CCDC141: variants seen among roughly 807,000 people sequenced by gnomAD.
CCDC141 encodes the protein coiled-coil domain-containing protein 141.
A neutral mutation model predicts 181.0 loss-of-function variants in CCDC141; 168 were observed. That is an observed-to-expected ratio of 0.93 (90% CI 0.82 to 1.05). The LOEUF (loss-of-function observed/expected upper bound fraction) is 1.05. Ranked by LOEUF, CCDC141 falls within the 50% of genes least tolerant of loss-of-function variation. CCDC141 has a pLI of 0.00. For missense variants in CCDC141, 1,902 were observed against 1,788.5 expected (o/e 1.06, Z -1.14); for synonymous variants, 666 against 642.3 (o/e 1.04, Z -0.56).
intron 2 of CCDC141, among the ~76,000 whole-genome samples, chr2:179,007,763 A>T (rs2042155992): frequency 1.3e-5 from 2 of 152,224 alleles, no homozygotes; most frequent in African/African-American, 2.4e-5. Flanking sequence ...ATGTTTTAAA[A>T]CATTTCTTTC....
downstream of CCDC141, among the ~76,000 whole-genome samples, chr2:178,825,760 T>G (rs75502604): frequency 0.02 from 3,060 of 152,106 alleles, 69 homozygotes; most frequent in East Asian, 0.11. Context: ...TTTGCCATGG[T>G]CTCTGGAGAT....
chr2:178,871,998 TTTATA>T, intron 13 of CCDC141, 130 bp downstream of exon 13: 1 of 875,282 alleles, frequency 1.1e-6, no homozygotes, highest in South Asian at 1.9e-5. Flanking sequence ...AGGGACCTCA[TTTATA>T]AGTGGAATCA....
At chr2:178,895,153 A>C (rs1687346259) in intron 8 of CCDC141, among the ~76,000 whole-genome samples, 1 of 152,184 alleles carries the variant, frequency 6.6e-6, no homozygotes, top group African/African-American at 2.4e-5. Context: ...ATGGACTTAG[A>C]ATATTCCATT....
chr2:178,837,771 C>T, intron 22 of CCDC141, 27 bp from the exon 23 acceptor site: 1 of 1,560,812 alleles, frequency 6.4e-7, no homozygotes, highest in Non-Finnish European at 8.6e-7. Context: ...CCAAATCATC[C>T]TTATTCATTC....
At chr2:179,004,020 T>C (rs866097124) in intron 2 of CCDC141, among the ~76,000 whole-genome samples, 3 of 152,270 alleles carry the variant, frequency 2.0e-5, no homozygotes, top group South Asian at 4.2e-4. Context: ...CTACTTAAAA[T>C]TGAATGTAGA....
intron 5 of CCDC141, among the ~76,000 whole-genome samples, chr2:178,946,242 G>A (rs1178735503): frequency 6.6e-6 from 1 of 152,070 alleles, no homozygotes; most frequent in Non-Finnish European, 1.5e-5. Context: ...TTTGAAGACA[G>A]TGTTTTTCTG....
At chr2:178,867,516 C>T (rs1685906111) in intron 16 of CCDC141, among the ~76,000 whole-genome samples, 1 of 151,980 alleles carries the variant, frequency 6.6e-6, no homozygotes, top group Non-Finnish European at 1.5e-5. Context: ...TTTGAGCTTC[C>T]TCATTTGTTG....
chr2:178,858,884 T>C (rs187683436), intron 17 of CCDC141, among the ~76,000 whole-genome samples: 1 of 152,218 alleles, frequency 6.6e-6, no homozygotes, highest in African/African-American at 2.4e-5. Flanking sequence ...GAAAGTTCAA[T>C]GTCTATTTGA....
At position 178,837,088 on chromosome 2, in the gene CCDC141, G is replaced by A. The variant is rs147129507; in HGVS notation, c.4131C>T (p.Gly1377=). The A allele has an allele frequency of 8.1e-6, 13 of 1,613,846 alleles. No homozygotes were observed. The highest frequency in any genetic ancestry group is 1.3e-5 in the African/African-American group (1 of 74,920). ...DAFSGLRFQS[G]TSRGYQRQMV... is the part of the protein sequence containing the mutation. ...TTTGCCTCTGATAGCCCCTGCTGGT[G>A]CCTGATTGAAACCTGAGGCCCGAGA... Residue 1377 remains glycine (G), a synonymous_variant, in exon 23 of 24, where the codon GGC becomes GGT. Coordinates refer to ENST00000443758, the MANE Select transcript of CCDC141 (RefSeq NM_173648.4).
chr2:178,908,079 C>T (rs1366948443), intron 7 of CCDC141, among the ~76,000 whole-genome samples: 1 of 152,048 alleles, frequency 6.6e-6, no homozygotes, highest in East Asian at 1.9e-4. Context: ...TTCCATAACC[C>T]ATCGAAACAT....
chr2:179,009,454 T>C (rs2042205958), intron 2 of CCDC141, among the ~76,000 whole-genome samples: 1 of 152,090 alleles, frequency 6.6e-6, no homozygotes, highest in Non-Finnish European at 1.5e-5. Flanking sequence ...CCATGGGGTG[T>C]TCCCTTTTCC....
At chr2:178,925,666 T>A (rs914470773) in intron 6 of CCDC141, among the ~76,000 whole-genome samples, 38 of 152,208 alleles carry the variant, frequency 2.5e-4, no homozygotes, top group African/African-American at 8.9e-4. Flanking sequence ...TTCCTATTAA[T>A]CACGTTTTCT....
intron 6 of CCDC141, among the ~76,000 whole-genome samples, chr2:178,935,066 A>C (rs902467677): frequency 2.6e-5 from 4 of 152,196 alleles, no homozygotes; most frequent in African/African-American, 9.6e-5. Context: ...GAAAGGAAAC[A>C]AAACAATATT....
chr2:178,858,131 G>C (rs929802938), intron 17 of CCDC141, among the ~76,000 whole-genome samples: 1 of 152,086 alleles, frequency 6.6e-6, no homozygotes, highest in Non-Finnish European at 1.5e-5. Flanking sequence ...CATAGAGACC[G>C]CATGAACCAC....
intron 1 of CCDC141, 92 bp downstream of exon 1, chr2:179,049,748 T>C: frequency 7.3e-7 from 1 of 1,378,430 alleles, no homozygotes; most frequent in Non-Finnish European, 1.0e-6. Context: ...CTCTATGCTG[T>C]GTCCTGCCGA....
At position 178,837,575 on chromosome 2, in the gene CCDC141, GA is replaced by G. The variant is rs758263112; in HGVS notation, c.3643del (p.Ser1215ProfsTer32). The stretch of plus-strand genomic sequence containing the variant: ...AGGGCTTCCTGGGAGAGGAGGCAAG[GA>G]GATGTCATCAGGTGAGACACACTCA... The part of the protein sequence containing the change: ...EYECVSPDDI[S>X]LPPLPGSPES... On this transcript the variant is annotated frameshift_variant, in exon 23 of 24. Coordinates refer to ENST00000443758, the MANE Select transcript of CCDC141 (RefSeq NM_173648.4). LOFTEE classifies it high-confidence loss of function. The G allele has an allele frequency of 1.5e-5, 25 of 1,613,886 alleles. No individual in the cohort carries two copies. The South Asian group carries it at 2.6e-4, about 17-fold the overall frequency.
At chr2:179,023,901 A>C (rs1465664124) in intron 2 of CCDC141, among the ~76,000 whole-genome samples, 1 of 152,180 alleles carries the variant, frequency 6.6e-6, no homozygotes, top group Non-Finnish European at 1.5e-5. Context: ...ATACTTCATA[A>C]ACCATGCTTG....
chr2:179,014,939 A>G (rs1007525276), intron 2 of CCDC141, among the ~76,000 whole-genome samples: 6 of 151,346 alleles, frequency 4.0e-5, no homozygotes, highest in Non-Finnish European at 8.8e-5. Context: ...CCAGAGGAAA[A>G]GAAATCATTA....
intron 2 of CCDC141, among the ~76,000 whole-genome samples, chr2:179,014,028 T>C (rs981944750): frequency 4.3e-5 from 6 of 140,016 alleles, no homozygotes; most frequent in African/African-American, 1.6e-4. Flanking sequence ...TTTCAAACTA[T>C]ACTATAAGGC....
Sources: gnomAD v4.1 joint callset for allele counts (sites outside exome capture counted in the v4.1 genomes callset) on GRCh38, gnomAD v4.1.1 for gene constraint, MANE v1.5 for transcripts, NCBI Gene and HGNC (gene_info 2026-07-23, HGNC 2026-07-21) for gene names.